CRACDL: variants seen among roughly 807,000 people sequenced by gnomAD.
CRACDL encodes CRACD like.
CRACDL carries 26 observed loss-of-function variants against 70.6 expected under a neutral mutation model. That is an observed-to-expected ratio of 0.37 (90% CI 0.27 to 0.51). CRACDL has a LOEUF of 0.51. CRACDL is among the 20% of genes least tolerant of loss of function. The pLI is 0.94. For missense variants in CRACDL, 1,283 were observed against 1,376.9 expected, an observed-to-expected ratio of 0.93 and a Z score of 1.08; for synonymous variants, 618 against 615.2, an observed-to-expected ratio of 1.00 and a Z score of -0.07.
intron 7 of CRACDL, among the ~76,000 whole-genome samples, chr2:98,799,895 C>A (rs550000182): frequency 6.6e-6 from 1 of 152,324 alleles, no homozygotes; most frequent in East Asian, 1.9e-4. Context: ...GGCCCTTCTC[C>A]AGGTCCTTGT....
intron 1 of CRACDL, among the ~76,000 whole-genome samples, chr2:98,895,172 A>C (rs1708086809): frequency 6.6e-6 from 1 of 152,170 alleles, no homozygotes; most frequent in South Asian, 2.1e-4. Context: ...GCCTCTGTCC[A>C]TTCATCAGAA....
chr2:98,934,800 A>G (rs1336144002), intron 1 of CRACDL, among the ~76,000 whole-genome samples: 2 of 152,226 alleles, frequency 1.3e-5, no homozygotes, highest in African/African-American at 2.4e-5. Context: ...ATCAAAACAA[A>G]TACAAAAATC....
chr2:98,893,896 C>T (rs1326336287), intron 1 of CRACDL, among the ~76,000 whole-genome samples: 2 of 152,200 alleles, frequency 1.3e-5, no homozygotes, highest in Non-Finnish European at 2.9e-5. Flanking sequence ...GCCCGTGCAC[C>T]ACACAGTGGA....
chr2:98,832,246 A>C, intron 5 of CRACDL, 102 bp downstream of exon 5: 2 of 1,304,662 alleles, frequency 1.5e-6, no homozygotes, highest in Non-Finnish European at 2.2e-6. Context: ...CACACCATGC[A>C]CAGCCTGGAG....
chr2:98,929,864 G>A (rs1036889317), intron 1 of CRACDL, among the ~76,000 whole-genome samples: 2 of 152,256 alleles, frequency 1.3e-5, no homozygotes, highest in Admixed American at 6.5e-5. Context: ...GGAGATACGA[G>A]CTCTAAGACA....
intron 1 of CRACDL, among the ~76,000 whole-genome samples, chr2:98,935,399 C>T (rs1709181972): frequency 6.6e-6 from 1 of 152,146 alleles, no homozygotes; most frequent in Admixed American, 6.5e-5. Flanking sequence ...AGCTTCTGTT[C>T]AACAAATATT....
rs567369489 is a variant in CRACDL at position 98,884,692 on chromosome 2, C to A, written c.-10-37882G>T. On this transcript the variant is annotated intron_variant, in intron 1 of 9. Transcript: ENST00000397899. ...TGGGATCTGTGCCCTATAAAAGGGACCCCAGAGTGTTCCCTCACTCCTGCT... is the reference window on the plus strand; with the variant it reads ...TGGGATCTGTGCCCTATAAAAGGGAACCCAGAGTGTTCCCTCACTCCTGCT... Among the ~76,000 whole-genome samples, 12 of 152,272 alleles carry A rather than the reference C, an allele frequency of 7.9e-5. No homozygotes were observed. The East Asian group carries it at 2.1e-3, about 27-fold the overall frequency.
intron 1 of CRACDL, among the ~76,000 whole-genome samples, chr2:98,894,463 G>A (rs1371887538): frequency 2.0e-5 from 3 of 152,350 alleles, no homozygotes; most frequent in Non-Finnish European, 4.4e-5. Flanking sequence ...ATGTACGATG[G>A]AAAATCCCCG....
intron 7 of CRACDL, among the ~76,000 whole-genome samples, chr2:98,798,231 C>T (rs1266622966): frequency 2.6e-5 from 4 of 151,930 alleles, no homozygotes. Context: ...TGTAGTCCCA[C>T]CTACTTGGGA....
At chr2:98,813,219 T>G (rs1164991962) in intron 7 of CRACDL, among the ~76,000 whole-genome samples, 1 of 152,052 alleles carries the variant, frequency 6.6e-6, no homozygotes, top group African/African-American at 2.4e-5. Flanking sequence ...TCACCTGAGG[T>G]CAGGAGTTTG....
chr2:98,828,765 C>T (rs969571618), intron 5 of CRACDL, among the ~76,000 whole-genome samples: 1 of 152,156 alleles, frequency 6.6e-6, no homozygotes, highest in African/African-American at 2.4e-5. Flanking sequence ...CTTTTAGCTA[C>T]TCAGGTACTT....
At chr2:98,826,849 T>A in intron 6 of CRACDL, 126 bp downstream of exon 6, 1 of 611,150 alleles carries the variant, frequency 1.6e-6, no homozygotes, top group South Asian at 2.0e-5. Flanking sequence ...CATGGCTCCA[T>A]CAACTGTGGG....
At chr2:98,925,715 G>T (rs1708894817) in intron 1 of CRACDL, among the ~76,000 whole-genome samples, 1 of 151,948 alleles carries the variant, frequency 6.6e-6, no homozygotes, top group Non-Finnish European at 1.5e-5. Context: ...GCTAAGCCTG[G>T]GTCTTCTTAC....
At chr2:98,903,950 C>T (rs1222997607) in intron 1 of CRACDL, among the ~76,000 whole-genome samples, 2 of 152,220 alleles carry the variant, frequency 1.3e-5, no homozygotes, top group East Asian at 3.8e-4. Context: ...TTTGTCTGAT[C>T]TCTGGCATGT....
At chr2:98,871,311 T>G (rs1338744086) in intron 1 of CRACDL, among the ~76,000 whole-genome samples, 2 of 152,240 alleles carry the variant, frequency 1.3e-5, no homozygotes, top group Non-Finnish European at 2.9e-5. Flanking sequence ...CTGGGCTCAT[T>G]TTCATTCAGA....
intron 1 of CRACDL, among the ~76,000 whole-genome samples, chr2:98,880,413 G>A (rs1483403057): frequency 6.6e-6 from 1 of 152,202 alleles, no homozygotes; most frequent in African/African-American, 2.4e-5. Flanking sequence ...AGCAGTAGCT[G>A]AATAGAATAT....
At chr2:98,796,312 A>G in intron 8 of CRACDL, 48 bp from the exon 9 acceptor site, 2 of 1,579,248 alleles carry the variant, frequency 1.3e-6, no homozygotes, top group Non-Finnish European at 1.7e-6. Flanking sequence ...TGATTCAGAC[A>G]GGGGCAAACA....
At chr2:98,879,398 G>A (rs997745356) in intron 1 of CRACDL, among the ~76,000 whole-genome samples, 1 of 152,166 alleles carries the variant, frequency 6.6e-6, no homozygotes, top group Non-Finnish European at 1.5e-5. Flanking sequence ...ATGTGGATGT[G>A]GGGTTGGCCT....
At chr2:98,929,623 AGGCAC>A (rs1404424454) in intron 1 of CRACDL, among the ~76,000 whole-genome samples, 1 of 152,114 alleles carries the variant, frequency 6.6e-6, no homozygotes, top group Non-Finnish European at 1.5e-5. Flanking sequence ...AGAATGCCCC[AGGCAC>A]GGCAGGCTCC....
Sources: gnomAD v4.1 joint callset for allele counts (sites outside exome capture counted in the v4.1 genomes callset) on GRCh38, gnomAD v4.1.1 for gene constraint, MANE v1.5 for transcripts, NCBI Gene and HGNC (gene_info 2026-07-23, HGNC 2026-07-21) for gene names.